MMAB: variants seen among roughly 807,000 people sequenced by gnomAD.
MMAB encodes metabolism of cobalamin associated B.
A neutral mutation model predicts 30.6 loss-of-function variants in MMAB; 17 were observed. The observed-to-expected ratio is 0.56, with a 90% CI of 0.38 to 0.83. The LOEUF (loss-of-function observed/expected upper bound fraction) is 0.83, where lower values mean the gene tolerates loss of function less well. MMAB is among the 40% of genes least tolerant of loss of function. The pLI is 0.00. For synonymous variants in MMAB, 134 were observed against 138.6 expected (o/e 0.97, Z 0.23); for missense variants, 311 against 331.6 (o/e 0.94, Z 0.48).
At chr12:109,566,364 T>C (rs563070494) in intron 3 of MMAB, among the ~76,000 whole-genome samples, 101 of 152,386 alleles carry the variant, frequency 6.6e-4, no homozygotes, top group African/African-American at 2.3e-3. Context: ...CCAGCCCATC[T>C]TCCTGGCACA....
chr12:109,560,940 T>C, intron 7 of MMAB, 100 bp downstream of exon 7: 1 of 1,126,896 alleles, frequency 8.9e-7, no homozygotes, highest in Non-Finnish European at 1.3e-6. Flanking sequence ...GAGGCCCCTC[T>C]CCCTCTCCCC....
rs1174240628 is a variant in MMAB at position 109,558,280 on chromosome 12, G to C, written c.644+816C>G. 2.0e-5 allele frequency among the ~76,000 whole-genome samples: 3 copies of C among 152,150 alleles called. No individual in the cohort carries two copies. Among genetic ancestry groups the C allele is most frequent in the Admixed American group, 6.5e-5 (1 of 15,278 alleles). On this transcript the variant is annotated intron_variant, in intron 8 of 8. Coordinates refer to ENST00000545712, the MANE Select transcript of MMAB (RefSeq NM_052845.4). The surrounding 1 kb of genome is among the most constrained non-coding windows in gnomAD (Gnocchi z 4.3). The stretch of plus-strand genomic sequence containing the variant: ...CCCGTGCAATGCTATGGGACCGCAG[G>C]GTTGCTGCTTTGAAGGTGAAGTAGA...
chr12:109,570,719 A>T (rs751907668), intron 2 of MMAB, among the ~76,000 whole-genome samples: 1 of 152,092 alleles, frequency 6.6e-6, no homozygotes, highest in Admixed American at 6.6e-5. Context: ...AAAAAATTAA[A>T]AAGTATTAGC....
chr12:109,572,862 C>A (rs1041121114), intron 1 of MMAB, among the ~76,000 whole-genome samples: 3 of 152,164 alleles, frequency 2.0e-5, no homozygotes, highest in Admixed American at 6.5e-5. Context: ...ACAATGTAAA[C>A]AACTCAAGGA....
rs549807022 is a variant in MMAB at position 109,561,814 on chromosome 12, C to T, written c.387G>A (p.Ala129=). 74 of 1,609,678 alleles carry T rather than the reference C, an allele frequency of 4.6e-5. No homozygotes were observed. In the East Asian group the frequency reaches 7.4e-4, roughly 16 times the overall value. Residue 129 remains alanine (A), a synonymous_variant, in exon 5 of 9, where the codon GCG becomes GCA. Coordinates refer to ENST00000545712, the MANE Select transcript of MMAB (RefSeq NM_052845.4). This position sits in a 1 kb window ranked among gnomAD's most constrained non-coding sequence, Gnocchi z 5.3. ...CTLQDVGSAL[A]TPCSSAREAH... is the part of the protein sequence containing the mutation. ...CCTCCCGGGCCGAGGAGCATGGTGT[C>T]GCCAGGGCCGAGCCGACGTCCTGCA...
intron 2 of MMAB, among the ~76,000 whole-genome samples, chr12:109,570,431 A>C (rs1884592402): frequency 6.6e-6 from 1 of 152,210 alleles, no homozygotes; most frequent in Non-Finnish European, 1.5e-5. Context: ...TACATAACAG[A>C]AATTTTACCA....
chr12:109,557,628 C>T (rs1444720370), intron 8 of MMAB, among the ~76,000 whole-genome samples: 1 of 152,208 alleles, frequency 6.6e-6, no homozygotes, highest in Non-Finnish European at 1.5e-5. Context: ...CTGGACTAGG[C>T]CCTACTGACA....
Position 109,556,410 on chromosome 12 carries a change from A to G in MMAB, c.*618T>C, listed in dbSNP as rs1374475974. On this transcript the variant is annotated 3_prime_UTR_variant, in exon 9 of 9. Transcript: ENST00000545712. ...CTGCACCCCCATCACACACACTTCA[A>G]TCTAAGCCAGGAGTTTCTGAGCCTC... 2.2e-6 allele frequency: 1 copy of G among 453,986 alleles called. No homozygotes were observed. The highest frequency in any genetic ancestry group is 4.4e-6 in the Non-Finnish European group (1 of 226,780). The allele number at this position is 453,986 out of a possible 1,614,324, so 28.1% of individuals were successfully genotyped here. A position where few individuals can be genotyped will look rare whatever the true frequency, so the allele number is the denominator to read the frequency against.
chr12:109,568,903 G>T, intron 2 of MMAB, 40 bp from the exon 3 acceptor site: 2 of 1,412,818 alleles, frequency 1.4e-6, no homozygotes, highest in Non-Finnish European at 2.0e-6. Context: ...TTAAGATTCT[G>T]TTTTCCTGAT....
At chr12:109,567,597 G>A (rs73198424) in intron 3 of MMAB, among the ~76,000 whole-genome samples, 10,245 of 152,228 alleles carry the variant, frequency 0.067, 389 homozygotes, top group Non-Finnish European at 0.083. Context: ...GGCTCTGGCC[G>A]CTGAAATGTG....
intron 7 of MMAB, among the ~76,000 whole-genome samples, chr12:109,560,733 G>C (rs924764299): frequency 6.6e-6 from 1 of 152,162 alleles, no homozygotes; most frequent in African/African-American, 2.4e-5. Context: ...TCACAAACAA[G>C]GTGCAATTGT....
At chr12:109,560,730 C>G (rs1884160174) in intron 7 of MMAB, among the ~76,000 whole-genome samples, 3 of 152,200 alleles carry the variant, frequency 2.0e-5, no homozygotes, top group African/African-American at 7.2e-5. Context: ...GGCTCACAAA[C>G]AAGGTGCAAT....
intron 1 of MMAB, among the ~76,000 whole-genome samples, chr12:109,572,448 C>T (rs1047181809): frequency 1.5e-5 from 2 of 131,164 alleles, no homozygotes; most frequent in Non-Finnish European, 3.1e-5. Flanking sequence ...AGACGGGTTT[C>T]ACCATGTTGC....
chr12:109,566,787 G>A (rs1884443114), intron 3 of MMAB, among the ~76,000 whole-genome samples: 1 of 152,234 alleles, frequency 6.6e-6, no homozygotes. Flanking sequence ...CACAACTGAG[G>A]TTTCTCCAAC....
chr12:109,560,995 C>G, intron 7 of MMAB, 45 bp downstream of exon 7: 1 of 1,132,714 alleles, frequency 8.8e-7, no homozygotes. Context: ...CCCCTTGTTC[C>G]TCTCCCTCTC....
At chr12:109,557,617 G>A (rs1188839956) in intron 8 of MMAB, among the ~76,000 whole-genome samples, 1 of 152,230 alleles carries the variant, frequency 6.6e-6, no homozygotes, top group Non-Finnish European at 1.5e-5. Context: ...TGCTGACACT[G>A]CTGGACTAGG....
rs773059864 is a variant in MMAB at position 109,561,067 on chromosome 12, C to A, written c.557G>T (p.Arg186Leu). The change falls in exon 7 of 9, where the codon CGG becomes CTG. Residue 186 changes from arginine (R) to leucine (L), a missense_variant. Transcript: ENST00000545712. The surrounding 1 kb of genome is among the most constrained non-coding windows in gnomAD (Gnocchi z 5.3). ...TCTCTCGGCCCGGCGGCACACGGCC[C>A]GGCAGAAATGCAGCGCCGAGCTGAT... is the stretch of plus-strand genomic sequence containing the variant. Reference protein sequence around the residue: ...GKISSALHFCRAVCRRAERRV... With the variant: ...GKISSALHFCLAVCRRAERRV... The A allele has an allele frequency of 6.2e-7, 1 of 1,610,882 alleles. No individual in the cohort carries two copies. Among genetic ancestry groups the A allele is most frequent in the African/African-American group, 1.3e-5 (1 of 74,828 alleles).
rs545625368 is a variant in MMAB at position 109,561,102 on chromosome 12, C to T, written c.522G>A (p.Ser174=). ...LPPLTAFILP[S]GGKISSALHF... is the part of the protein sequence containing the mutation. Reference sequence around the variant, plus strand: ...GCAGCGCCGAGCTGATCTTGCCTCCCGACTGAAAGGAGAAAGGGACATTGC... The same window carrying T: ...GCAGCGCCGAGCTGATCTTGCCTCCTGACTGAAAGGAGAAAGGGACATTGC... Residue 174 remains serine, a splice_region_variant and synonymous_variant, in exon 7 of 9, where the codon TCG becomes TCA. Coordinates refer to ENST00000545712, the MANE Select transcript of MMAB (RefSeq NM_052845.4). The surrounding 1 kb of genome is among the most constrained non-coding windows in gnomAD (Gnocchi z 5.3). 32 of 1,610,280 alleles carry T rather than the reference C, an allele frequency of 2.0e-5. No individual in the cohort carries two copies. In the Admixed American group the frequency reaches 3.7e-4, roughly 18 times the overall value.
At chr12:109,560,970 T>TGGGGGGGGGGC in intron 7 of MMAB, 70 bp downstream of exon 7, 1 of 808,202 alleles carries the variant, frequency 1.2e-6, no homozygotes, top group East Asian at 2.8e-5. Context: ...CTCCTCTCCC[T>TGGGGGGGGGGC]CTCCCTCCCC....
Sources: gnomAD v4.1 joint callset for allele counts (sites outside exome capture counted in the v4.1 genomes callset) on GRCh38, gnomAD v4.1.1 for gene constraint, Gnocchi (gnomAD v3.1) non-coding constraint, MANE v1.5 for transcripts, NCBI Gene and HGNC (gene_info 2026-07-23, HGNC 2026-07-21) for gene names.